The following USP35 variants were observed in gnomAD, a reference collection of about 807,000 sequenced individuals.
The protein encoded by USP35 is ubiquitin specific peptidase 35, also known as ubiquitin carboxyl-terminal hydrolase 35.
A neutral mutation model predicts 83.8 loss-of-function variants in USP35; 69 were observed. The observed-to-expected ratio is 0.82, with a 90% confidence interval of 0.68 to 1.01. The LOEUF (loss-of-function observed/expected upper bound fraction) is 1.01. Among genes scored for constraint, USP35 ranks in the 50% least tolerant of loss-of-function variants. USP35 has a pLI of 0.00. For synonymous variants in USP35, 714 were observed against 589.5 expected, an observed-to-expected ratio of 1.21 and a Z score of -3.06; for missense variants, 1,503 against 1,362.5, an observed-to-expected ratio of 1.10 and a Z score of -1.62.
chr11:78,234,663 T>C, the USP35 span, among the ~76,000 whole-genome samples: 2 of 150,846 alleles, frequency 1.3e-5, no homozygotes, highest in Non-Finnish European at 3.0e-5. Context: ...TATATTTCTC[T>C]CCTGGACTTG....
intron 10 of USP35, among the ~76,000 whole-genome samples, chr11:78,212,129 A>AG (rs1267723547): frequency 6.6e-6 from 1 of 152,136 alleles, no homozygotes; most frequent in Non-Finnish European, 1.5e-5. Context: ...AGGTATAAGG[A>AG]GGGGGTCGAA....
At chr11:78,219,474 A>G (rs910279755), downstream of USP35, 7 of 1,538,342 alleles carry the variant, frequency 4.6e-6, no homozygotes, top group Non-Finnish European at 6.3e-6. Context: ...GGTGGGGAGG[A>G]AGAAGGTGGG....
chr11:78,199,771 C>T (rs1863280998), intron 4 of USP35, 47 bp downstream of exon 4: 1 of 1,613,330 alleles, frequency 6.2e-7, no homozygotes, highest in Non-Finnish European at 8.5e-7. Flanking sequence ...TTGTACTAGG[C>T]TCTTGCCAGG....
At chr11:78,193,819 T>G (rs976255396) in intron 1 of USP35, among the ~76,000 whole-genome samples, 1 of 152,136 alleles carries the variant, frequency 6.6e-6, no homozygotes, top group African/African-American at 2.4e-5. Context: ...AAGCTTCGGG[T>G]GGACCCTGAA....
At chr11:78,219,162 G>C (rs1864291837), downstream of USP35, 1 of 1,043,014 alleles carries the variant, frequency 9.6e-7, no homozygotes, top group Non-Finnish European at 1.4e-6. Context: ...GGCTGAGACT[G>C]GCAGAGTAGA....
At position 78,214,865 on chromosome 11, in the gene USP35, T is replaced by TAAACGTGTGGA. The variant is rs1204478296; in HGVS notation, c.*1053_*1063dup. The stretch of plus-strand genomic sequence containing the variant: ...TGAATCTACTGAAGTGGGGTGTAAG[T>TAAACGTGTGGA]AAACGTGTGGACTGACTGACTTACT... On this transcript the variant is annotated 3_prime_UTR_variant, in exon 11 of 11. Coordinates refer to ENST00000529308, the MANE Select transcript of USP35 (RefSeq NM_020798.4). Among the ~76,000 whole-genome samples the TAAACGTGTGGA allele has an allele frequency of 6.8e-6, 1 of 146,042 alleles. No individual in the cohort carries two copies. The highest frequency in any genetic ancestry group is 2.1e-4 in the East Asian group (1 of 4,772).
At chr11:78,230,602 A>G in the USP35 span, among the ~76,000 whole-genome samples, 1 of 152,274 alleles carries the variant, frequency 6.6e-6, no homozygotes, top group African/African-American at 2.4e-5. Context: ...GTGCTCCTAG[A>G]AGGCAGAGGG....
downstream of USP35, chr11:78,216,444 G>A (rs1271195300): frequency 1.3e-5 from 2 of 152,254 alleles, no homozygotes; most frequent in Non-Finnish European, 2.9e-5. Flanking sequence ...AGTGGGTGGA[G>A]GGTGGGGATA....
At chr11:78,203,042 G>A (rs1443694772) in intron 6 of USP35, among the ~76,000 whole-genome samples, 3 of 152,168 alleles carry the variant, frequency 2.0e-5, no homozygotes, top group African/African-American at 7.2e-5. Flanking sequence ...GAAAACCCAT[G>A]ATGAGTGAGA....
At chr11:78,231,254 T>C in the USP35 span, among the ~76,000 whole-genome samples, 1 of 152,064 alleles carries the variant, frequency 6.6e-6, no homozygotes, top group Non-Finnish European at 1.5e-5. Context: ...CCCTTTCCAT[T>C]CCTGGCCAAT....
Position 78,213,649 on chromosome 11 carries a change from CAGGAGA to C in USP35, c.2899_2904del (p.Lys967_Glu968del), listed in dbSNP as rs1377043811. On this transcript the variant is annotated inframe_deletion, in exon 11 of 11. Coordinates refer to ENST00000529308, the MANE Select transcript of USP35 (RefSeq NM_020798.4). The stretch of plus-strand genomic sequence containing the variant: ...CTCCTCTCATCTGTGTTCCCAGGAG[CAGGAGA>C]AGGAGGCCCGGAGCAGGGCGGCCTA... 1.3e-6 allele frequency: 2 copies of C among 1,485,908 alleles called. No individual in the cohort carries two copies. The highest frequency in any genetic ancestry group is 3.0e-5 in the African/African-American group (2 of 67,754). 92.0% of individuals were successfully genotyped at this position (1,485,908 alleles called of 1,614,324 possible).
At chr11:78,226,367 G>A in the USP35 span, 1 of 964,814 alleles carries the variant, frequency 1.0e-6, no homozygotes, top group Admixed American at 1.8e-5. Flanking sequence ...TGGTTCGTAA[G>A]TTCCCCTCGG....
In USP35 at chr11:78,199,648, T is replaced by C; in HGVS notation, c.860T>C (p.Ile287Thr). 6.2e-7 allele frequency: 1 copy of C among 1,614,196 alleles called. No individual in the cohort carries two copies. The highest frequency in any genetic ancestry group is 8.5e-7 in the Non-Finnish European group (1 of 1,180,026). The change falls in exon 4 of 11, where the codon ATT (isoleucine) becomes ACT (threonine). Residue 287 changes from isoleucine to threonine, a missense_variant. Coordinates refer to ENST00000529308, the MANE Select transcript of USP35 (RefSeq NM_020798.4). Reference sequence around the variant, plus strand: ...GGGAAGAATATTGACAAGTGGATCATTGCACTGCTGAAGGGCCTGGCTGCT... The same window carrying C: ...GGGAAGAATATTGACAAGTGGATCACTGCACTGCTGAAGGGCCTGGCTGCT... ...PLGKNIDKWI[I>T]ALLKGLAAVK...
chr11:78,220,451 C>T, the USP35 span: 31 of 1,556,812 alleles, frequency 2.0e-5, no homozygotes, highest in East Asian at 1.2e-4. Flanking sequence ...TTTGCTGTCA[C>T]GAGGAGGAAA....
intron 1 of USP35, among the ~76,000 whole-genome samples, chr11:78,193,176 G>A (rs1259456857): frequency 6.6e-6 from 1 of 152,072 alleles, no homozygotes; most frequent in Non-Finnish European, 1.5e-5. Context: ...GGGCTGAAGG[G>A]AGAGTTAAAA....
At chr11:78,228,082 T>C in the USP35 span, among the ~76,000 whole-genome samples, 6 of 152,242 alleles carry the variant, frequency 3.9e-5, no homozygotes, top group Non-Finnish European at 1.5e-5. Flanking sequence ...CCAGTACTGC[T>C]ACTGATACGT....
At chr11:78,219,390 T>C (rs752327819), downstream of USP35, 1 of 1,613,658 alleles carries the variant, frequency 6.2e-7, no homozygotes, top group Non-Finnish European at 8.5e-7. Context: ...CACCTTCTCA[T>C]CAGAGGTGAC....
In USP35 at chr11:78,207,401, G is replaced by C; in HGVS notation, c.1392-129G>C. On this transcript the variant is annotated intron_variant, in intron 7 of 10. Coordinates refer to ENST00000529308, the MANE Select transcript of USP35 (RefSeq NM_020798.4). ...CCTCCTCCCCAGCCCCTGGCTTCTG[G>C]CTCCGTCTTGGGGCAGAAATGTCTG... is the stretch of plus-strand genomic sequence containing the variant. 9.3e-6 allele frequency: 8 copies of C among 860,762 alleles called. No homozygotes were observed. The South Asian group carries it at 1.3e-4, about 14-fold the overall frequency. 53.3% of individuals were successfully genotyped at this position (860,762 alleles called of 1,614,324 possible).
intron 1 of USP35, among the ~76,000 whole-genome samples, chr11:78,195,363 G>A (rs932168108): frequency 6.6e-6 from 1 of 152,198 alleles, no homozygotes; most frequent in Non-Finnish European, 1.5e-5. Flanking sequence ...AGGAGATAAG[G>A]ACGTGTCAGG....
Sources: gnomAD v4.1 joint callset for allele counts (sites outside exome capture counted in the v4.1 genomes callset) on GRCh38, gnomAD v4.1.1 for gene constraint, MANE v1.5 for transcripts, NCBI Gene and HGNC (gene_info 2026-07-23, HGNC 2026-07-21) for gene names.